Variants in SGCZ observed in about 807,000 individuals in gnomAD.
The protein encoded by SGCZ is sarcoglycan zeta.
SGCZ carries 40 observed loss-of-function variants against 41.3 expected under a neutral mutation model. The observed-to-expected ratio is 0.97, with a 90% CI of 0.75 to 1.26. The LOEUF is 1.26. Ranked by LOEUF, SGCZ falls within the 50% of genes most tolerant of loss-of-function variation. SGCZ has a pLI of 0.00. For synonymous variants in SGCZ, 206 were observed against 137.5 expected (o/e 1.50, Z -3.49); for missense variants, 552 against 369.8 (o/e 1.49, Z -4.04).
intron 3 of SGCZ, among the ~76,000 whole-genome samples, chr8:14,241,054 TA>T (rs2117178607): frequency 6.6e-6 from 1 of 152,262 alleles, no homozygotes; most frequent in Non-Finnish European, 1.5e-5. Flanking sequence ...TTTCCCTAAA[TA>T]AAGAAATGAA....
chr8:14,468,860 AC>A (rs1434003804), intron 2 of SGCZ, among the ~76,000 whole-genome samples: 11 of 152,248 alleles, frequency 7.2e-5, no homozygotes, highest in Admixed American at 6.5e-4. Flanking sequence ...CCATCATCTA[AC>A]AAATAATGAA....
At chr8:15,167,013 T>C (rs892331639) in intron 1 of SGCZ, among the ~76,000 whole-genome samples, 2 of 141,408 alleles carry the variant, frequency 1.4e-5, no homozygotes, top group African/African-American at 5.0e-5. Flanking sequence ...CTGATTCTTG[T>C]TTTGTTTTTT....
At chr8:14,711,581 G>C (rs1809517604) in intron 1 of SGCZ, among the ~76,000 whole-genome samples, 1 of 127,164 alleles carries the variant, frequency 7.9e-6, no homozygotes, top group Non-Finnish European at 1.6e-5. Context: ...CAGCCCAGGA[G>C]ACAGAGTGAG....
intron 4 of SGCZ, among the ~76,000 whole-genome samples, chr8:14,226,680 T>C (rs1399844388): frequency 1.3e-5 from 2 of 152,140 alleles, no homozygotes; most frequent in East Asian, 1.9e-4. Context: ...AGAAACTTTA[T>C]GGTGTAAACA....
chr8:14,796,067 T>A (rs1454623599), intron 1 of SGCZ, among the ~76,000 whole-genome samples: 1 of 152,194 alleles, frequency 6.6e-6, no homozygotes, highest in Non-Finnish European at 1.5e-5. Flanking sequence ...CTTTATCCAG[T>A]CTATCACTGA....
At chr8:14,730,655 T>C (rs139176317) in intron 1 of SGCZ, among the ~76,000 whole-genome samples, 1 of 151,352 alleles carries the variant, frequency 6.6e-6, no homozygotes, top group Non-Finnish European at 1.5e-5. Flanking sequence ...AAACTGTCAC[T>C]ATGACTCTTT....
At chr8:14,825,170 T>C (rs1465785046) in intron 1 of SGCZ, among the ~76,000 whole-genome samples, 4 of 152,198 alleles carry the variant, frequency 2.6e-5, no homozygotes, top group Non-Finnish European at 4.4e-5. Flanking sequence ...CTGTGAATTA[T>C]CTGTTAAAAA....
At chr8:14,151,785 G>A (rs1401429836) in intron 5 of SGCZ, among the ~76,000 whole-genome samples, 1 of 152,036 alleles carries the variant, frequency 6.6e-6, no homozygotes, top group Non-Finnish European at 1.5e-5. Flanking sequence ...ATGCAATAGA[G>A]AAGTCAGAAA....
chr8:15,094,903 C>T (rs1216599907), intron 1 of SGCZ, among the ~76,000 whole-genome samples: 1 of 152,134 alleles, frequency 6.6e-6, no homozygotes, highest in Non-Finnish European at 1.5e-5. Context: ...CCCTGCAGAA[C>T]TGTGAATCAA....
intron 3 of SGCZ, among the ~76,000 whole-genome samples, chr8:14,258,567 TA>T (rs1799545556): frequency 6.6e-6 from 1 of 152,162 alleles, no homozygotes; most frequent in Non-Finnish European, 1.5e-5. Flanking sequence ...TCCAAAAAAA[TA>T]CTGATACTAT....
intron 1 of SGCZ, among the ~76,000 whole-genome samples, chr8:14,704,221 A>G (rs1809257667): frequency 6.6e-6 from 1 of 152,012 alleles, no homozygotes; most frequent in South Asian, 2.1e-4. Context: ...TAAGCTAATA[A>G]TAATAGCAGT....
At chr8:14,912,127 A>G (rs912943294) in intron 1 of SGCZ, among the ~76,000 whole-genome samples, 1 of 152,024 alleles carries the variant, frequency 6.6e-6, no homozygotes, top group African/African-American at 2.4e-5. Flanking sequence ...AAAATGTATG[A>G]AATTGTGTTT....
At chr8:14,440,034 A>C (rs1800202703) in intron 2 of SGCZ, among the ~76,000 whole-genome samples, 1 of 152,046 alleles carries the variant, frequency 6.6e-6, no homozygotes, top group Non-Finnish European at 1.5e-5. Context: ...TTAACCTTAA[A>C]AACATTTAGC....
chr8:14,115,613 C>G (rs1209687361), intron 5 of SGCZ, among the ~76,000 whole-genome samples: 1 of 151,970 alleles, frequency 6.6e-6, no homozygotes, highest in Non-Finnish European at 1.5e-5. Context: ...GATATGATAG[C>G]TGATACTAGT....
intron 2 of SGCZ, among the ~76,000 whole-genome samples, chr8:14,517,050 C>G (rs948985589): frequency 6.6e-6 from 1 of 151,900 alleles, no homozygotes; most frequent in Non-Finnish European, 1.5e-5. Context: ...CCCTATGACT[C>G]GTAAATTTTC....
intron 3 of SGCZ, among the ~76,000 whole-genome samples, chr8:14,244,503 G>T (rs1799013194): frequency 6.6e-6 from 1 of 152,114 alleles, no homozygotes; most frequent in Non-Finnish European, 1.5e-5. Context: ...TAGCCTTGTA[G>T]TACAGTTTGA....
intron 2 of SGCZ, among the ~76,000 whole-genome samples, chr8:14,512,908 C>G (rs1002807149): frequency 6.6e-6 from 1 of 152,090 alleles, no homozygotes; most frequent in South Asian, 2.1e-4. Flanking sequence ...CCAGCTACCT[C>G]CCCTGGGGAC....
intron 1 of SGCZ, among the ~76,000 whole-genome samples, chr8:14,862,469 A>G (rs1055859052): frequency 2.0e-5 from 3 of 149,562 alleles, no homozygotes; most frequent in African/African-American, 7.4e-5. Flanking sequence ...GAATAAATTT[A>G]AGTATAACAA....
At chr8:14,306,270 C>T (rs1254584797) in intron 3 of SGCZ, among the ~76,000 whole-genome samples, 1 of 152,136 alleles carries the variant, frequency 6.6e-6, no homozygotes, top group Non-Finnish European at 1.5e-5. Context: ...TATAGATGGA[C>T]ATAAAGTACT....
Sources: gnomAD v4.1 joint callset for allele counts (sites outside exome capture counted in the v4.1 genomes callset) on GRCh38, gnomAD v4.1.1 for gene constraint, MANE v1.5 for transcripts, NCBI Gene and HGNC (gene_info 2026-07-23, HGNC 2026-07-21) for gene names.